SHANK2: variants seen among roughly 807,000 people sequenced by gnomAD.
The protein encoded by SHANK2 is SH3 and multiple ankyrin repeat domains protein 2.
A neutral mutation model predicts 133.7 loss-of-function variants in SHANK2; 43 were observed. That is an observed-to-expected ratio of 0.32 (90% CI 0.25 to 0.41). SHANK2 has a LOEUF of 0.41. Ranked by LOEUF, SHANK2 falls within the 10% of genes least tolerant of loss-of-function variation. SHANK2 has a pLI of 1.00. For synonymous variants in SHANK2, 1,017 were observed against 952.8 expected, an observed-to-expected ratio of 1.07 and a Z score of -1.24; for missense variants, 1,994 against 2,235.8, an observed-to-expected ratio of 0.89 and a Z score of 2.18.
At chr11:70,895,751 A>G (rs1555075571) in intron 11 of SHANK2, among the ~76,000 whole-genome samples, 9 of 152,046 alleles carry the variant, frequency 5.9e-5, no homozygotes, top group Non-Finnish European at 1.3e-4. Flanking sequence ...CTGCAAATTA[A>G]TTTGTTTCAG....
At chr11:70,922,001 T>C (rs1950358661) in intron 10 of SHANK2, among the ~76,000 whole-genome samples, 10 of 152,092 alleles carry the variant, frequency 6.6e-5, no homozygotes, top group Admixed American at 6.5e-4. Flanking sequence ...GCGAAGAACT[T>C]AAAAATGATT....
At chr11:70,538,483 G>A (rs2059572500) in intron 17 of SHANK2, among the ~76,000 whole-genome samples, 1 of 152,244 alleles carries the variant, frequency 6.6e-6, no homozygotes, top group Non-Finnish European at 1.5e-5. Flanking sequence ...ATGGTATTCT[G>A]GGGATGCGTC....
At chr11:70,605,168 A>G (rs1485988391) in intron 17 of SHANK2, among the ~76,000 whole-genome samples, 1 of 151,508 alleles carries the variant, frequency 6.6e-6, no homozygotes, top group Admixed American at 6.6e-5. Flanking sequence ...GTCTTTCTAC[A>G]TAAAAAAAGC....
chr11:70,768,760 C>T (rs545918738), intron 14 of SHANK2, among the ~76,000 whole-genome samples: 17 of 152,234 alleles, frequency 1.1e-4, no homozygotes, highest in East Asian at 3.9e-4. Context: ...AGGGAGGAGG[C>T]GGGCAGTGGT....
chr11:71,129,306 C>T (rs1952251075), intron 3 of SHANK2, among the ~76,000 whole-genome samples: 1 of 152,120 alleles, frequency 6.6e-6, no homozygotes, highest in Non-Finnish European at 1.5e-5. Context: ...ATGATTCTGG[C>T]GAGGGGAGGC....
chr11:70,771,787 T>C (rs1285598720), intron 14 of SHANK2, among the ~76,000 whole-genome samples: 1 of 151,894 alleles, frequency 6.6e-6, no homozygotes, highest in African/African-American at 2.4e-5. Flanking sequence ...GATTTGGAGG[T>C]TCATAAATAA....
intron 10 of SHANK2, among the ~76,000 whole-genome samples, chr11:70,936,701 A>T (rs1950576272): frequency 6.6e-6 from 1 of 152,180 alleles, no homozygotes; most frequent in Admixed American, 6.5e-5. Context: ...TCCACTAACG[A>T]ACAGGTTCAT....
chr11:70,809,764 C>T (rs1337157318), intron 12 of SHANK2, among the ~76,000 whole-genome samples: 1 of 152,168 alleles, frequency 6.6e-6, no homozygotes, highest in Non-Finnish European at 1.5e-5. Context: ...AGGACAGTGG[C>T]CTCTTCTGGA....
chr11:71,178,359 T>G (rs965800055), intron 2 of SHANK2, among the ~76,000 whole-genome samples: 1 of 152,220 alleles, frequency 6.6e-6, no homozygotes, highest in South Asian at 2.1e-4. Flanking sequence ...TCTACTTATA[T>G]GAGGTACCTA....
intron 3 of SHANK2, among the ~76,000 whole-genome samples, chr11:71,135,263 G>A (rs564186188): frequency 2.6e-5 from 4 of 152,272 alleles, no homozygotes; most frequent in East Asian, 1.9e-4. Flanking sequence ...GCATTCACTC[G>A]GTTGTACCGG....
chr11:70,716,902 C>CG (rs1945940741), intron 14 of SHANK2, among the ~76,000 whole-genome samples: 3 of 150,276 alleles, frequency 2.0e-5, no homozygotes, highest in Admixed American at 6.6e-5. Context: ...GGAGCCCCCC[C>CG]CCCGCCCAAC....
intron 9 of SHANK2, among the ~76,000 whole-genome samples, chr11:71,069,717 C>T (rs1951118173): frequency 6.6e-6 from 1 of 152,202 alleles, no homozygotes; most frequent in African/African-American, 2.4e-5. Flanking sequence ...CAAGGCAAGG[C>T]AATGGGCTAG....
chr11:70,537,912 C>A (rs1235804111), intron 17 of SHANK2, among the ~76,000 whole-genome samples: 1 of 152,160 alleles, frequency 6.6e-6, no homozygotes, highest in African/African-American at 2.4e-5. Context: ...GGGGCACGTG[C>A]CCTGAGGAAC....
intron 2 of SHANK2, among the ~76,000 whole-genome samples, chr11:71,163,842 AGAAG>A (rs1555110292): frequency 6.6e-6 from 1 of 152,220 alleles, no homozygotes; most frequent in African/African-American, 2.4e-5. Flanking sequence ...GGAGGAAGAC[AGAAG>A]GAAGAATGCA....
At chr11:70,922,528 G>A (rs1039310203) in intron 10 of SHANK2, among the ~76,000 whole-genome samples, 5 of 152,046 alleles carry the variant, frequency 3.3e-5, no homozygotes, top group South Asian at 2.1e-4. Flanking sequence ...CAATCACACC[G>A]ACAGCAGTCT....
At chr11:71,209,163 C>G (rs1810298117) in intron 2 of SHANK2, among the ~76,000 whole-genome samples, 1 of 152,206 alleles carries the variant, frequency 6.6e-6, no homozygotes, top group South Asian at 2.1e-4. Context: ...AGGAACCAGC[C>G]AGGCTGAATC....
chr11:70,819,321 C>G (rs1555055213), intron 12 of SHANK2, among the ~76,000 whole-genome samples: 2 of 152,256 alleles, frequency 1.3e-5, no homozygotes, highest in Non-Finnish European at 2.9e-5. Flanking sequence ...GAAGCCAGCA[C>G]AGTGAACTCC....
intron 17 of SHANK2, among the ~76,000 whole-genome samples, chr11:70,607,549 T>C (rs903457618): frequency 2.0e-5 from 3 of 152,190 alleles, no homozygotes; most frequent in Non-Finnish European, 2.9e-5. Flanking sequence ...TTTGCCAGCA[T>C]TTACTCCCTG....
chr11:70,874,649 T>A (rs184735320), intron 11 of SHANK2, among the ~76,000 whole-genome samples: 53 of 147,280 alleles, frequency 3.6e-4, no homozygotes, highest in Non-Finnish European at 7.3e-4. Flanking sequence ...CATGTAAGCA[T>A]TGAAATCTGC....
Sources: allele counts gnomAD v4.1 joint callset (sites outside exome capture counted in the v4.1 genomes callset), GRCh38; gene constraint gnomAD v4.1.1; transcripts MANE v1.5; gene names NCBI Gene and HGNC (gene_info 2026-07-23, HGNC 2026-07-21).